Variants in NCALD observed in about 807,000 individuals in gnomAD.
The protein encoded by NCALD is neurocalcin-delta.
In NCALD, 10 loss-of-function variants were observed where a neutral mutation model predicts 18.6. The observed-to-expected ratio is 0.54, with a 90% CI of 0.33 to 0.91. NCALD has a LOEUF of 0.91. Among genes scored for constraint, NCALD ranks in the 40% least tolerant of loss-of-function variants. The probability of loss-of-function intolerance (pLI) is 0.03; values close to 1 mark genes in which losing one functional copy is unlikely to be tolerated. For synonymous variants in NCALD, 88 were observed against 87.4 expected (o/e 1.01, Z -0.04); for missense variants, 184 against 247.6 (o/e 0.74, Z 1.72).
intron 1 of NCALD, among the ~76,000 whole-genome samples, chr8:101,738,123 A>G (rs1212026430): frequency 1.3e-5 from 2 of 152,130 alleles, no homozygotes; most frequent in East Asian, 3.9e-4. Flanking sequence ...TACAGGTCCA[A>G]AGTTTATCAG....
chr8:101,929,717 C>G (rs1818503237), intron 2 of NCALD, among the ~76,000 whole-genome samples: 1 of 150,548 alleles, frequency 6.6e-6, no homozygotes, highest in African/African-American at 2.5e-5. Context: ...GATGAGAGGG[C>G]AGATCCAGGT....
At chr8:101,909,485 C>T (rs923473061) in intron 3 of NCALD, among the ~76,000 whole-genome samples, 1 of 152,218 alleles carries the variant, frequency 6.6e-6, no homozygotes, top group African/African-American at 2.4e-5. Flanking sequence ...GACTTCCACA[C>T]TGCCTTCTTC....
At chr8:101,962,680 A>C (rs964401509) in intron 2 of NCALD, among the ~76,000 whole-genome samples, 2 of 152,216 alleles carry the variant, frequency 1.3e-5, no homozygotes, top group African/African-American at 2.4e-5. Context: ...CCAGGTAATT[A>C]ACATGCACAC....
intron 1 of NCALD, among the ~76,000 whole-genome samples, chr8:101,727,988 T>C (rs933990115): frequency 2.6e-5 from 4 of 152,218 alleles, no homozygotes; most frequent in African/African-American, 9.6e-5. Flanking sequence ...TTATTTTGGG[T>C]CACACCCAGT....
chr8:102,005,871 C>A (rs535765831), intron 2 of NCALD, among the ~76,000 whole-genome samples: 1,391 of 116,260 alleles, frequency 0.012, 13 homozygotes, highest in Non-Finnish European at 0.013. Flanking sequence ...CACACTGGGG[C>A]CTGTTGTGGG....
In NCALD at chr8:101,688,680, G is replaced by A. The variant is rs772081123; in HGVS notation, c.*629C>T. 1.9e-5 allele frequency: 9 copies of A among 469,066 alleles called. No homozygotes were observed. Among genetic ancestry groups the A allele is most frequent in the South Asian group, 1.4e-4 (9 of 64,676 alleles). The allele number at this position is 469,066 out of a possible 1,614,324, so 29.1% of individuals were successfully genotyped here. On this transcript the variant is annotated 3_prime_UTR_variant, in exon 4 of 4. Coordinates refer to ENST00000220931, the MANE Select transcript of NCALD (RefSeq NM_032041.3). ...AGACACGCATATTAGCTCAACTAGT[G>A]TAAACCTGTGAAAAAATAGCTGAGC...
At chr8:101,810,452 T>C (rs555937760) in intron 4 of NCALD, among the ~76,000 whole-genome samples, 1 of 152,298 alleles carries the variant, frequency 6.6e-6, no homozygotes, top group South Asian at 2.1e-4. Context: ...AAGTTATGCT[T>C]TCTAAAAAAT....
intron 2 of NCALD, among the ~76,000 whole-genome samples, chr8:101,983,607 T>C (rs1309168737): frequency 2.0e-5 from 3 of 152,224 alleles, no homozygotes; most frequent in Non-Finnish European, 1.5e-5. Flanking sequence ...TGTGTATGTG[T>C]TGTGATGGAT....
intron 4 of NCALD, among the ~76,000 whole-genome samples, chr8:101,873,752 G>A (rs1030637773): frequency 2.6e-5 from 4 of 152,210 alleles, no homozygotes; most frequent in Non-Finnish European, 4.4e-5. Context: ...GCAAAGCCCT[G>A]AGCTTGGGGT....
intron 2 of NCALD, among the ~76,000 whole-genome samples, chr8:101,714,572 T>C (rs988587179): frequency 2.0e-5 from 3 of 152,238 alleles, no homozygotes; most frequent in Non-Finnish European, 2.9e-5. Flanking sequence ...TTGTCCAAAG[T>C]AATTTATAGA....
At chr8:101,923,877 T>C (rs1402484242) in intron 2 of NCALD, among the ~76,000 whole-genome samples, 1 of 152,266 alleles carries the variant, frequency 6.6e-6, no homozygotes, top group Non-Finnish European at 1.5e-5. Flanking sequence ...TTTATTAACA[T>C]ATTTATCAGG....
chr8:101,941,239 G>C (rs1818944320), intron 2 of NCALD, among the ~76,000 whole-genome samples: 1 of 152,148 alleles, frequency 6.6e-6, no homozygotes, highest in African/African-American at 2.4e-5. Context: ...CATGGTTTCG[G>C]GATGAAACTG....
intron 2 of NCALD, among the ~76,000 whole-genome samples, chr8:101,943,414 T>C (rs1024967310): frequency 1.3e-5 from 2 of 152,220 alleles, no homozygotes; most frequent in African/African-American, 4.8e-5. Context: ...TATTCCCCGT[T>C]CCTCTTATCA....
At position 102,050,615 on chromosome 8, in the gene NCALD, AT is replaced by A. The variant is rs1337584463; in HGVS notation, c.-209-30327del. 1.0e-4 allele frequency among the ~76,000 whole-genome samples: 15 copies of A among 149,038 alleles called. No homozygotes were observed. The East Asian group carries it at 2.9e-3, about 29-fold the overall frequency. On this transcript the variant is annotated intron_variant, in intron 1 of 6. Coordinates refer to the NCALD transcript ENST00000311028. Reference sequence around the variant, plus strand: ...ATGACAAAAATTATACTATATTTATATTTTTAATATAGTATATACTTTATAT... The same window carrying A: ...ATGACAAAAATTATACTATATTTATATTTTAATATAGTATATACTTTATAT...
chr8:101,775,271 G>A (rs1392134761), intron 1 of NCALD, among the ~76,000 whole-genome samples: 1 of 152,164 alleles, frequency 6.6e-6, no homozygotes, highest in Non-Finnish European at 1.5e-5. Context: ...AGCACTACTT[G>A]TTAAATTCAA....
chr8:101,856,553 AT>A (rs1486726227), intron 4 of NCALD, among the ~76,000 whole-genome samples: 1 of 152,178 alleles, frequency 6.6e-6, no homozygotes, highest in Non-Finnish European at 1.5e-5. Flanking sequence ...TGGTGCTGCT[AT>A]TAAGAAAAAA....
intron 1 of NCALD, among the ~76,000 whole-genome samples, chr8:102,026,136 G>T (rs1023375665): frequency 1.3e-5 from 2 of 152,148 alleles, no homozygotes; most frequent in Non-Finnish European, 2.9e-5. Flanking sequence ...TGAGATTTAG[G>T]TGGGGACACA....
rs972842097 is a variant in NCALD at position 101,937,333 on chromosome 8, C to T, written c.-156-21475G>A. ...AATAGTTATTTTTTCTGCTCCTCTC[C>T]CTCCTCCCACCCTCCACCCTCAAGT... On this transcript the variant is annotated intron_variant, in intron 2 of 6. Transcript: ENST00000311028. Among the ~76,000 whole-genome samples the T allele has an allele frequency of 2.6e-4, 39 of 152,090 alleles. 1 individual carries two copies. The highest frequency in any genetic ancestry group is 9.2e-4 in the African/African-American group (38 of 41,392).
At chr8:101,888,791 A>C (rs529700298) in intron 3 of NCALD, among the ~76,000 whole-genome samples, 1 of 152,096 alleles carries the variant, frequency 6.6e-6, no homozygotes, top group Admixed American at 6.5e-5. Flanking sequence ...TATTAAATAC[A>C]TTTTACAGTG....
Sources: gnomAD v4.1 joint callset for allele counts (sites outside exome capture counted in the v4.1 genomes callset) on GRCh38, gnomAD v4.1.1 for gene constraint, MANE v1.5 for transcripts, NCBI Gene and HGNC (gene_info 2026-07-23, HGNC 2026-07-21) for gene names.